The following STPG2 variants were observed in gnomAD, a reference collection of about 807,000 sequenced individuals.
STPG2 encodes the protein sperm tail PG-rich repeat containing 2.
Under a neutral mutation model 54.2 loss-of-function variants are expected in STPG2, and 56 were observed. That is an observed-to-expected ratio of 1.03 (90% CI 0.83 to 1.29). The LOEUF (loss-of-function observed/expected upper bound fraction) is 1.29. STPG2 is among the 50% of genes most tolerant of loss of function. The pLI, the probability that STPG2 is intolerant of heterozygous loss-of-function variation, is 0.00. For missense variants in STPG2, 596 were observed against 544.9 expected, an observed-to-expected ratio of 1.09 and a Z score of -0.93; for synonymous variants, 200 against 181.8, an observed-to-expected ratio of 1.10 and a Z score of -0.81.
intron 5 of STPG2, among the ~76,000 whole-genome samples, chr4:97,991,453 GTGTGTGTATA>G (rs968503980): frequency 4.2e-5 from 6 of 142,832 alleles, no homozygotes; most frequent in East Asian, 2.0e-4. Flanking sequence ...GTGTGTGTGT[GTGTGTGTATA>G]TATATATATG....
chr4:97,730,297 C>T (rs1223996351), intron 9 of STPG2, among the ~76,000 whole-genome samples: 1 of 152,138 alleles, frequency 6.6e-6, no homozygotes, highest in Non-Finnish European at 1.5e-5. Flanking sequence ...GGACAATGGC[C>T]TTCAGTTGCA....
rs576233002 is a variant in STPG2 at position 97,487,465 on chromosome 4, A to G, written c.462+225234T>C. Among the ~76,000 whole-genome samples the G allele has an allele frequency of 9.2e-5, 14 of 151,714 alleles. No homozygotes were observed. In the South Asian group the frequency reaches 2.9e-3, roughly 31 times the overall value. ...TAAAGCTAAGAAACAAAATTCTTTG[A>G]TGATATTTATGTCTATTGAAGAAAT... On this transcript the variant is annotated intron_variant, in intron 4 of 4. Coordinates refer to the STPG2 transcript ENST00000522676.
chr4:97,900,029 C>T (rs1731114064), intron 8 of STPG2, among the ~76,000 whole-genome samples: 1 of 151,922 alleles, frequency 6.6e-6, no homozygotes, highest in African/African-American at 2.4e-5. Flanking sequence ...ATGCATCTGA[C>T]AAAGGTCTAA....
At chr4:98,073,509 T>C (rs1474277266) in intron 5 of STPG2, among the ~76,000 whole-genome samples, 1 of 152,178 alleles carries the variant, frequency 6.6e-6, no homozygotes, top group Non-Finnish European at 1.5e-5. Context: ...GTGGATCACC[T>C]GAGGTCAAGA....
At chr4:97,949,166 T>C (rs1300976719) in intron 7 of STPG2, among the ~76,000 whole-genome samples, 2 of 151,928 alleles carry the variant, frequency 1.3e-5, no homozygotes, top group Admixed American at 1.3e-4. Context: ...CATATAATGA[T>C]CTTCTTTGTC....
chr4:97,989,411 G>A (rs1734941256), intron 5 of STPG2, among the ~76,000 whole-genome samples: 2 of 152,056 alleles, frequency 1.3e-5, no homozygotes, highest in South Asian at 2.1e-4. Context: ...TGAAACTGAG[G>A]ATAGTATGAA....
At chr4:97,946,361 G>C (rs945998933) in intron 7 of STPG2, among the ~76,000 whole-genome samples, 1 of 152,028 alleles carries the variant, frequency 6.6e-6, no homozygotes, top group Admixed American at 6.6e-5. Flanking sequence ...TTACTCTGGT[G>C]GTTATTTCTT....
intron 3 of STPG2, among the ~76,000 whole-genome samples, chr4:98,118,982 T>C (rs1185055518): frequency 1.3e-5 from 2 of 151,984 alleles, no homozygotes; most frequent in East Asian, 3.9e-4. Context: ...TATAGTAAAA[T>C]GCCAACAAAT....
intron 10 of STPG2, among the ~76,000 whole-genome samples, chr4:97,673,768 C>A (rs939773982): frequency 6.6e-6 from 1 of 151,720 alleles, no homozygotes; most frequent in Non-Finnish European, 1.5e-5. Context: ...CATCTTATAT[C>A]TTTACTCTGG....
intron 5 of STPG2, among the ~76,000 whole-genome samples, chr4:98,019,446 A>ACC (rs1418611690): frequency 1.3e-5 from 2 of 152,048 alleles, no homozygotes; most frequent in Non-Finnish European, 2.9e-5. Context: ...GAAGTCAGGT[A>ACC]GCATGATGCC....
At chr4:98,110,327 C>T (rs1191918866) in intron 3 of STPG2, among the ~76,000 whole-genome samples, 2 of 152,130 alleles carry the variant, frequency 1.3e-5, no homozygotes, top group African/African-American at 2.4e-5. Flanking sequence ...TTCCAGATAA[C>T]ATCTCAGGAG....
At chr4:97,501,916 A>G (rs1019459279) in intron 4 of STPG2, among the ~76,000 whole-genome samples, 1 of 150,846 alleles carries the variant, frequency 6.6e-6, no homozygotes, top group African/African-American at 2.4e-5. Flanking sequence ...CAACTAAGAA[A>G]ATTAATTGAG....
At chr4:97,527,821 C>T (rs1392251748) in intron 4 of STPG2, among the ~76,000 whole-genome samples, 1 of 152,040 alleles carries the variant, frequency 6.6e-6, no homozygotes, top group South Asian at 2.1e-4. Flanking sequence ...CTGTTCATAT[C>T]CTTCGCCCAC....
chr4:97,538,869 G>A (rs1339711556), intron 4 of STPG2, among the ~76,000 whole-genome samples: 3 of 152,182 alleles, frequency 2.0e-5, no homozygotes, highest in African/African-American at 7.2e-5. Context: ...CAAGCCAGAA[G>A]AGAGTGGGGG....
At chr4:97,661,817 C>A (rs1435472225) in intron 10 of STPG2, among the ~76,000 whole-genome samples, 1 of 152,076 alleles carries the variant, frequency 6.6e-6, no homozygotes, top group Non-Finnish European at 1.5e-5. Flanking sequence ...TTTTCCTAGG[C>A]CTGATCTATC....
Position 98,085,358 on chromosome 4 carries a change from A to G in STPG2, c.612+20595T>C, listed in dbSNP as rs78724791. 1.4e-3 allele frequency among the ~76,000 whole-genome samples: 216 copies of G among 152,226 alleles called. 4 individuals carry two copies. In the East Asian group the frequency reaches 0.04, roughly 28 times the overall value. ...TGATTGATTATAAATCTTGAAATCA[A>G]GTAGTATAAATCTGCCACCTTTCCA... On this transcript the variant is annotated intron_variant, in intron 5 of 10. Coordinates refer to ENST00000295268, the MANE Select transcript of STPG2 (RefSeq NM_174952.3).
intron 10 of STPG2, among the ~76,000 whole-genome samples, chr4:97,578,730 A>C (rs930963161): frequency 1.3e-5 from 2 of 152,108 alleles, no homozygotes; most frequent in African/African-American, 4.8e-5. Flanking sequence ...CAATGGTTTA[A>C]ACCAAAAAGA....
chr4:97,531,088 AG>A (rs1731404115), intron 4 of STPG2, among the ~76,000 whole-genome samples: 1 of 152,180 alleles, frequency 6.6e-6, no homozygotes, highest in African/African-American at 2.4e-5. Context: ...AATGGCAAGC[AG>A]GTATATGAAA....
chr4:97,900,089 C>T (rs1471863510), intron 8 of STPG2, among the ~76,000 whole-genome samples: 28 of 151,968 alleles, frequency 1.8e-4, no homozygotes, highest in Admixed American at 1.8e-3. Flanking sequence ...GAAAAACAAC[C>T]CCATTAAAAA....
Sources: gnomAD v4.1 joint callset for allele counts (sites outside exome capture counted in the v4.1 genomes callset) on GRCh38, gnomAD v4.1.1 for gene constraint, MANE v1.5 for transcripts, NCBI Gene and HGNC (gene_info 2026-07-23, HGNC 2026-07-21) for gene names.